REPS2: variants seen among roughly 807,000 people sequenced by gnomAD.
The protein encoded by REPS2 is ralBP1-associated Eps domain-containing protein 2.
In REPS2, 23 loss-of-function variants were observed where a neutral mutation model predicts 53.6. The ratio of observed to expected loss-of-function variants is 0.43; its 90% CI spans 0.31 to 0.61. REPS2 has a LOEUF of 0.61. REPS2 is among the 20% of genes least tolerant of loss of function. The pLI is 0.11. For missense variants in REPS2, 446 were observed against 534.9 expected (o/e 0.83, Z 1.64); for synonymous variants, 238 against 218.6 (o/e 1.09, Z -0.78).
At chrX:16,956,720 G>A (rs780341666) in intron 1 of REPS2, among the ~76,000 whole-genome samples, 1 of 111,428 alleles carries the variant, frequency 9.0e-6, no homozygotes, top group Non-Finnish European at 1.9e-5. Context: ...GCTCCTGACC[G>A]TTTTATCTGG....
chrX:17,169,047 A>G, the REPS2 span, among the ~76,000 whole-genome samples: 101 of 112,035 alleles, frequency 9.0e-4, no homozygotes, highest in African/African-American at 3.1e-3. Flanking sequence ...CTGCTGGAGG[A>G]TGAGAGACCA....
chrX:16,956,147 C>T (rs1294213026), intron 1 of REPS2, among the ~76,000 whole-genome samples: 1 of 110,038 alleles, frequency 9.1e-6, no homozygotes, highest in African/African-American at 3.3e-5. Context: ...GCCTTCTCAG[C>T]CTGGGTTAGT....
chrX:17,157,376 G>T (rs1302212436), downstream of REPS2, among the ~76,000 whole-genome samples: 4 of 111,275 alleles, frequency 3.6e-5, no homozygotes, highest in Non-Finnish European at 7.5e-5. Context: ...GAGGAGGTGG[G>T]AACTTTAGGG....
At position 16,998,679 on chromosome X, in the gene REPS2, C is replaced by T. The variant is rs138307494; in HGVS notation, c.274-7542C>T. 8.0e-3 allele frequency among the ~76,000 whole-genome samples: 891 copies of T among 111,534 alleles called. 13 individuals carry two copies. The highest frequency in any genetic ancestry group is 0.028 in the African/African-American group (863 of 30,652). On this transcript the variant is annotated intron_variant, in intron 1 of 17. Transcript: ENST00000357277. ...AGGGCTGGAGGAACAGGCTAGCATC[C>T]GGGTGCCCAGAAACAAAGCCCCAAG... is the stretch of plus-strand genomic sequence containing the variant.
Position 17,147,564 on chromosome X carries a change from T to G in REPS2, c.*83T>G. ...ATGTTTTGAACCCAACTACTTGTCA[T>G]AGATGTTTGACTGTGTCAAAAGCTG... On this transcript the variant is annotated 3_prime_UTR_variant, in exon 18 of 18. Transcript: ENST00000357277. 1 of 768,283 alleles carries G rather than the reference T, an allele frequency of 1.3e-6. No homozygotes were observed. Among genetic ancestry groups the G allele is most frequent in the Non-Finnish European group, 1.9e-6 (1 of 525,635 alleles). The allele number at this position is 768,283 out of a possible 1,213,427, so 63.3% of individuals were successfully genotyped here.
chrX:17,117,727 A>G (rs1274332237), intron 14 of REPS2, among the ~76,000 whole-genome samples: 4 of 109,461 alleles, frequency 3.7e-5, no homozygotes, highest in Non-Finnish European at 5.7e-5. Flanking sequence ...TAGTGCCGCA[A>G]TAAACATACG....
rs1412587341 is a variant in REPS2 at position 17,152,528 on chromosome X, A to G, written c.*5047A>G. Reference sequence around the variant, plus strand: ...TGAAGACCAGCAGACACCAGACTTTAAAAGTGCTTAAATTGGAATTTGGAA... The same window carrying G: ...TGAAGACCAGCAGACACCAGACTTTGAAAGTGCTTAAATTGGAATTTGGAA... On this transcript the variant is annotated 3_prime_UTR_variant, in exon 18 of 18. Coordinates refer to ENST00000357277, the MANE Select transcript of REPS2 (RefSeq NM_004726.3). 3 of 112,123 alleles carry G rather than the reference A, an allele frequency of 2.7e-5. No individual in the cohort carries two copies. The highest frequency in any genetic ancestry group is 1.9e-4 in the Admixed American group (2 of 10,598). The allele number at this position is 112,123 out of a possible 1,213,427, so 9.2% of individuals were successfully genotyped here. A position where few individuals can be genotyped will look rare whatever the true frequency, so the allele number is the denominator to read the frequency against.
chrX:16,996,006 A>G (rs2061230168), intron 1 of REPS2, among the ~76,000 whole-genome samples: 1 of 111,245 alleles, frequency 9.0e-6, no homozygotes, highest in Admixed American at 9.6e-5. Flanking sequence ...GGTAGGAGGA[A>G]GAGATCTACC....
chrX:17,016,238 C>T (rs764604051), intron 2 of REPS2, among the ~76,000 whole-genome samples: 30 of 111,271 alleles, frequency 2.7e-4, no homozygotes, highest in Admixed American at 2.1e-3. Flanking sequence ...TCATATCCTT[C>T]GCCCACTTTA....
At chrX:17,094,806 C>G (rs2062674051) in intron 13 of REPS2, among the ~76,000 whole-genome samples, 1 of 111,451 alleles carries the variant, frequency 9.0e-6, no homozygotes, top group African/African-American at 3.3e-5. Flanking sequence ...ACTCTCTACC[C>G]CATTGTCTCT....
Position 17,025,048 on chromosome X carries a change from G to A in REPS2, c.547-11G>A. On this transcript the variant is annotated splice_polypyrimidine_tract_variant and intron_variant, in intron 3 of 17. Transcript: ENST00000357277. ...GTGAGCGCCTCTGAACTCTGATCTG[G>A]TTCTTTGAAGCAGGAAACACAGTCT... 2.5e-6 allele frequency: 3 copies of A among 1,211,916 alleles called. No individual in the cohort carries two copies. The highest frequency in any genetic ancestry group is 3.4e-6 in the Non-Finnish European group (3 of 895,501).
intron 3 of REPS2, among the ~76,000 whole-genome samples, chrX:17,023,506 A>G (rs1206215902): frequency 8.9e-6 from 1 of 111,988 alleles, no homozygotes; most frequent in Non-Finnish European, 1.9e-5. Context: ...TTGGAAAACT[A>G]ACTTCTGTGA....
intron 13 of REPS2, among the ~76,000 whole-genome samples, chrX:17,098,845 C>G (rs1346160556): frequency 9.0e-6 from 1 of 111,271 alleles, no homozygotes; most frequent in Non-Finnish European, 1.9e-5. Context: ...CCTGTCTTAT[C>G]TCCTCTACCA....
the REPS2 span, among the ~76,000 whole-genome samples, chrX:17,187,925 A>G: frequency 5.3e-5 from 6 of 112,942 alleles, no homozygotes; most frequent in Non-Finnish European, 9.4e-5. Flanking sequence ...TCTAATAAAT[A>G]TACAAAATAT....
chrX:17,049,020 C>T (rs766723309), intron 6 of REPS2, among the ~76,000 whole-genome samples: 78 of 111,044 alleles, frequency 7.0e-4, no homozygotes, highest in African/African-American at 2.4e-3. Flanking sequence ...CTCAGCCTCC[C>T]GAGTAGCTGG....
chrX:17,189,940 T>C, the REPS2 span, among the ~76,000 whole-genome samples: 8 of 112,333 alleles, frequency 7.1e-5, no homozygotes, highest in African/African-American at 2.6e-4. Flanking sequence ...GTGCAAGATA[T>C]AAATGTTTTC....
At chrX:16,967,845 CTT>C (rs1203112594) in intron 1 of REPS2, among the ~76,000 whole-genome samples, 1 of 95,178 alleles carries the variant, frequency 1.1e-5, no homozygotes. Flanking sequence ...TATTGGTTTT[CTT>C]TTTTTTTTTT....
chrX:17,047,065 TA>T (rs1460068771), intron 5 of REPS2, among the ~76,000 whole-genome samples: 1 of 112,594 alleles, frequency 8.9e-6, no homozygotes, highest in East Asian at 2.8e-4. Context: ...CATCTTTTTT[TA>T]AACCCTTTAT....
At chrX:17,037,361 T>C (rs1326565140) in intron 5 of REPS2, among the ~76,000 whole-genome samples, 1 of 112,467 alleles carries the variant, frequency 8.9e-6, no homozygotes, top group Non-Finnish European at 1.9e-5. Flanking sequence ...CAGGCTGGAG[T>C]GCAGTGGCGC....
Sources: gnomAD v4.1 joint callset for allele counts (sites outside exome capture counted in the v4.1 genomes callset) on GRCh38, gnomAD v4.1.1 for gene constraint, MANE v1.5 for transcripts, NCBI Gene and HGNC (gene_info 2026-07-23, HGNC 2026-07-21) for gene names.